Variants in MPZL1 observed in about 807,000 individuals in gnomAD.
The protein encoded by MPZL1 is myelin protein zero-like protein 1.
A neutral mutation model predicts 29.3 loss-of-function variants in MPZL1; 16 were observed. The ratio of observed to expected loss-of-function variants is 0.55; its 90% CI spans 0.37 to 0.83. MPZL1 has a LOEUF of 0.83. Among genes scored for constraint, MPZL1 ranks in the 40% least tolerant of loss-of-function variants. The pLI, the probability that MPZL1 is intolerant of heterozygous loss-of-function variation, is 0.00. For synonymous variants in MPZL1, 143 were observed against 132.0 expected (o/e 1.08, Z -0.57); for missense variants, 279 against 332.9 (o/e 0.84, Z 1.26).
intron 1 of MPZL1, among the ~76,000 whole-genome samples, chr1:167,751,784 T>A (rs1434036439): frequency 6.6e-6 from 1 of 152,214 alleles, no homozygotes; most frequent in Non-Finnish European, 1.5e-5. Context: ...ATAATTTCAT[T>A]TGTTAGTAGT....
intron 5 of MPZL1, among the ~76,000 whole-genome samples, chr1:167,786,778 A>C (rs1337698683): frequency 6.6e-6 from 1 of 152,236 alleles, no homozygotes; most frequent in Admixed American, 6.5e-5. Context: ...TATTGAGCTT[A>C]TGATTTCAAA....
At position 167,776,098 on chromosome 1, in the gene MPZL1, C is replaced by T; in HGVS notation, c.640C>T (p.Gln214Ter). The change falls in exon 5 of 6, where the codon CAG becomes TAG. Residue 214 changes from glutamine to a stop codon, truncating the protein, a stop_gained. Transcript: ENST00000359523. LOFTEE classifies it high-confidence loss of function. ...ATCAGAGAGTTTGTCACCAGTTAAG[C>T]AGGCTCCTCGGAAGTCCCCCTCCGA... ...STSESLSPVK[Q>*]APRKSPSDTE... is the part of the protein sequence containing the mutation. The T allele has an allele frequency of 6.2e-7, 1 of 1,612,226 alleles. No individual in the cohort carries two copies. The highest frequency in any genetic ancestry group is 8.5e-7 in the Non-Finnish European group (1 of 1,178,994).
At chr1:167,755,016 A>T (rs1660838857) in intron 1 of MPZL1, among the ~76,000 whole-genome samples, 1 of 152,206 alleles carries the variant, frequency 6.6e-6, no homozygotes, top group South Asian at 2.1e-4. Context: ...CTACAGTAAC[A>T]CATCATTATC....
intron 1 of MPZL1, among the ~76,000 whole-genome samples, chr1:167,760,090 A>G (rs1660950483): frequency 6.6e-6 from 1 of 152,210 alleles, no homozygotes. Flanking sequence ...GCAGACACCA[A>G]TTAGGAAGCT....
chr1:167,767,500 T>G (rs896747166), intron 2 of MPZL1, among the ~76,000 whole-genome samples: 2 of 152,106 alleles, frequency 1.3e-5, no homozygotes, highest in Non-Finnish European at 2.9e-5. Context: ...GAACATGCTG[T>G]AATTCTGATT....
chr1:167,773,209 T>C (rs1382793065), intron 3 of MPZL1, 27 bp from the exon 4 acceptor site: 1 of 1,603,652 alleles, frequency 6.2e-7, no homozygotes. Flanking sequence ...CAATGTACCT[T>C]AAAACTATTT....
chr1:167,758,251 T>C (rs1017238684), intron 1 of MPZL1, among the ~76,000 whole-genome samples: 17 of 152,208 alleles, frequency 1.1e-4, no homozygotes, highest in African/African-American at 3.9e-4. Flanking sequence ...AGTAACAGCT[T>C]CAAGATCCCT....
intron 1 of MPZL1, among the ~76,000 whole-genome samples, chr1:167,764,152 G>T (rs1038331028): frequency 6.6e-6 from 1 of 151,884 alleles, no homozygotes; most frequent in Non-Finnish European, 1.5e-5. Flanking sequence ...TGGAAGATGG[G>T]TATTTTTAAG....
At chr1:167,784,028 C>T (rs1242808611) in intron 5 of MPZL1, among the ~76,000 whole-genome samples, 2 of 152,192 alleles carry the variant, frequency 1.3e-5, no homozygotes, top group Admixed American at 6.5e-5. Context: ...AGGTGTACTA[C>T]AGGACACAAC....
intron 2 of MPZL1, among the ~76,000 whole-genome samples, chr1:167,771,571 G>A (rs548013845): frequency 9.9e-5 from 15 of 152,268 alleles, no homozygotes; most frequent in African/African-American, 2.9e-4. Flanking sequence ...ATTGCACAGC[G>A]GCCAGGCAGA....
intron 1 of MPZL1, among the ~76,000 whole-genome samples, chr1:167,739,274 C>CATATACATATATATATAT (rs1660452463): frequency 3.6e-5 from 3 of 83,306 alleles, no homozygotes; most frequent in African/African-American, 2.0e-4. Flanking sequence ...TACATATATA[C>CATATACATATATATATAT]ATATATACAT....
rs373477826 is a variant in MPZL1, at chr1:167,725,873, C to T, written c.91+3631C>T. On this transcript the variant is annotated intron_variant, in intron 1 of 5. Transcript: ENST00000359523. The stretch of plus-strand genomic sequence containing the variant: ...TCAAGTGACCGGCCTGCCTCAGCCT[C>T]CCAAAGTGCTGGGATTACAGGCATG... Among the ~76,000 whole-genome samples, 17 of 152,360 alleles carry T rather than the reference C, an allele frequency of 1.1e-4. No individual in the cohort carries two copies. In the East Asian group the frequency reaches 2.5e-3, roughly 22 times the overall value.
chr1:167,731,059 C>T (rs1277800794), intron 1 of MPZL1, among the ~76,000 whole-genome samples: 3 of 152,168 alleles, frequency 2.0e-5, no homozygotes, highest in Non-Finnish European at 2.9e-5. Flanking sequence ...CTGAACCTTG[C>T]ACACTAATGA....
At position 167,739,274 on chromosome 1, in the gene MPZL1, CAT is replaced by C. The variant is rs201991698; in HGVS notation, c.91+17038_91+17039del. Among the ~76,000 whole-genome samples, 48 of 83,250 alleles carry C rather than the reference CAT, an allele frequency of 5.8e-4. 1 individual carries two copies. The highest frequency in any genetic ancestry group is 2.7e-3 in the African/African-American group (42 of 15,318). The allele number at this position is 83,250 out of a possible 152,430, so 54.6% of individuals were successfully genotyped here. On this transcript the variant is annotated intron_variant, in intron 1 of 5. Coordinates refer to ENST00000359523, the MANE Select transcript of MPZL1 (RefSeq NM_003953.6). ...ACTAATACATACACATACATATATA[CAT>C]ATATACATATATATATATATATATA...
At chr1:167,785,459 T>G (rs148503327) in intron 5 of MPZL1, among the ~76,000 whole-genome samples, 143 of 152,344 alleles carry the variant, frequency 9.4e-4, no homozygotes, top group African/African-American at 3.3e-3. Flanking sequence ...GCTGCCTCAT[T>G]CTGTTAGTCA....
chr1:167,777,385 A>G (rs948374053), intron 5 of MPZL1, among the ~76,000 whole-genome samples: 1 of 152,196 alleles, frequency 6.6e-6, no homozygotes, highest in African/African-American at 2.4e-5. Context: ...CCCAAAAGAA[A>G]GGAAACAGAC....
chr1:167,735,527 A>G (rs1260736431), intron 1 of MPZL1, among the ~76,000 whole-genome samples: 2 of 152,160 alleles, frequency 1.3e-5, no homozygotes, highest in Non-Finnish European at 2.9e-5. Flanking sequence ...TTTTCTTTAT[A>G]TAAATATAGA....
At chr1:167,752,380 C>T (rs1251261222) in intron 1 of MPZL1, among the ~76,000 whole-genome samples, 3 of 152,154 alleles carry the variant, frequency 2.0e-5, no homozygotes, top group African/African-American at 7.2e-5. Flanking sequence ...CCAGGCAGTG[C>T]TGACTCCCTG....
At chr1:167,746,880 AAAT>A (rs1660658264) in intron 1 of MPZL1, among the ~76,000 whole-genome samples, 1 of 152,224 alleles carries the variant, frequency 6.6e-6, no homozygotes, top group Non-Finnish European at 1.5e-5. Flanking sequence ...ATTTAAGAAA[AAAT>A]AAGTTTGTTA....
Sources: allele counts gnomAD v4.1 joint callset (sites outside exome capture counted in the v4.1 genomes callset), GRCh38; gene constraint gnomAD v4.1.1; transcripts MANE v1.5; gene names NCBI Gene and HGNC (gene_info 2026-07-23, HGNC 2026-07-21).